Variants in RAB3GAP2 observed in about 807,000 individuals in gnomAD.
RAB3GAP2 encodes the protein RAB3 GTPase activating non-catalytic protein subunit 2, also known as rab3 GTPase-activating protein non-catalytic subunit.
A neutral mutation model predicts 185.3 loss-of-function variants in RAB3GAP2; 87 were observed. The ratio of observed to expected loss-of-function variants is 0.47; its 90% CI spans 0.39 to 0.56. The LOEUF is 0.56. RAB3GAP2 is among the 20% of genes least tolerant of loss of function. The probability of loss-of-function intolerance (pLI) is 0.00; values close to 1 mark genes in which losing one functional copy is unlikely to be tolerated. For synonymous variants in RAB3GAP2, 554 were observed against 576.1 expected (o/e 0.96, Z 0.55); for missense variants, 1,492 against 1,638.2 (o/e 0.91, Z 1.54).
At position 220,163,313 on chromosome 1, in the gene RAB3GAP2, T is replaced by C. The variant is rs1424380375; in HGVS notation, c.3155-1045A>G. 2.0e-5 allele frequency among the ~76,000 whole-genome samples: 3 copies of C among 152,004 alleles called. No individual in the cohort carries two copies. In the East Asian group the frequency reaches 5.8e-4, roughly 29 times the overall value. On this transcript the variant is annotated intron_variant, in intron 27 of 34. Transcript: ENST00000358951. ...CCTACTCGATGGGTAAAGGTACAAATATGTAAAGGCCTGACTTGAAGAAAT... is the reference window on the plus strand; with the variant it reads ...CCTACTCGATGGGTAAAGGTACAAACATGTAAAGGCCTGACTTGAAGAAAT...
chr1:220,214,070 AAAAAG>A, intron 2 of RAB3GAP2, 91 bp from the exon 3 acceptor site: 1 of 1,270,030 alleles, frequency 7.9e-7, no homozygotes, highest in South Asian at 1.3e-5. Context: ...AGGGAAGAAA[AAAAAG>A]AAAAGGAAAT....
At chr1:220,154,120 G>A in intron 31 of RAB3GAP2, 63 bp from the exon 32 acceptor site, 1 of 1,595,796 alleles carries the variant, frequency 6.3e-7, no homozygotes, top group Non-Finnish European at 8.5e-7. Context: ...GAGGGAGAAA[G>A]ATTTGTTTAA....
Position 220,150,588 on chromosome 1 carries a change from T to C in RAB3GAP2, c.*663A>G, listed in dbSNP as rs554333753. On this transcript the variant is annotated 3_prime_UTR_variant, in exon 35 of 35. Coordinates refer to ENST00000358951, the MANE Select transcript of RAB3GAP2 (RefSeq NM_012414.4). ...TAATTAATTTGCTGCATTTTACACA[T>C]CTCTGATTCTCAATTTTGGCAAGTA... The C allele has an allele frequency of 1.3e-5, 2 of 152,372 alleles. No individual in the cohort carries two copies. Among genetic ancestry groups the C allele is most frequent in the African/African-American group, 4.8e-5 (2 of 41,372 alleles). 9.4% of individuals were successfully genotyped at this position (152,372 alleles called of 1,614,324 possible).
rs1157161774 is a variant in RAB3GAP2, at chr1:220,184,313, A to G, written c.1871-150T>C. ...ATGCTTAAGCTATACCAGGTTTTGAAAGCAAAAATAATTTTTCTGTCATGA... is the reference window on the plus strand; with the variant it reads ...ATGCTTAAGCTATACCAGGTTTTGAGAGCAAAAATAATTTTTCTGTCATGA... On this transcript the variant is annotated intron_variant, in intron 18 of 34. Transcript: ENST00000358951. 3 of 577,508 alleles carry G rather than the reference A, an allele frequency of 5.2e-6. No individual in the cohort carries two copies. The East Asian group carries it at 1.0e-4, about 20-fold the overall frequency. The allele number at this position is 577,508 out of a possible 1,614,324, so 35.8% of individuals were successfully genotyped here. A position where few individuals can be genotyped will look rare whatever the true frequency, so the allele number is the denominator to read the frequency against.
rs938296148 is a variant in RAB3GAP2 at position 220,169,969 on chromosome 1, C to T, written c.2806+923G>A. ...ATTCTTCTATAAAGACACATGCACA[C>T]ATATGTTTACTGCAGCACTATTCAT... On this transcript the variant is annotated intron_variant, in intron 24 of 34. Transcript: ENST00000358951. Among the ~76,000 whole-genome samples, 10 of 152,274 alleles carry T rather than the reference C, an allele frequency of 6.6e-5. No homozygotes were observed. The East Asian group carries it at 1.9e-3, about 29-fold the overall frequency.
intron 26 of RAB3GAP2, among the ~76,000 whole-genome samples, chr1:220,166,560 C>A (rs1464888336): frequency 2.0e-5 from 3 of 152,216 alleles, no homozygotes; most frequent in Non-Finnish European, 4.4e-5. Context: ...GAGCCAGAAG[C>A]TTGTCAGCAA....
In RAB3GAP2 at chr1:220,162,182, C is replaced by T. The variant is rs1032499558; in HGVS notation, c.3225+16G>A. The T allele has an allele frequency of 1.1e-5, 16 of 1,515,042 alleles. No homozygotes were observed. In the African/African-American group the frequency reaches 1.5e-4, roughly 14 times the overall value. 93.8% of individuals were successfully genotyped at this position (1,515,042 alleles called of 1,614,324 possible). On this transcript the variant is annotated intron_variant, in intron 28 of 34. Coordinates refer to ENST00000358951, the MANE Select transcript of RAB3GAP2 (RefSeq NM_012414.4). The stretch of plus-strand genomic sequence containing the variant: ...GAATCAAATAAATAAGAAGTCAATA[C>T]ATGAAACTACCTTACCTTATCCATT...
intron 1 of RAB3GAP2, chr1:220,254,665 T>C (rs1660000957): frequency 2.5e-6 from 2 of 802,482 alleles, no homozygotes; most frequent in African/African-American, 1.8e-5. Flanking sequence ...GTTTTCTGTT[T>C]GATTTTAAAC....
chr1:220,267,098 T>C, intron 1 of RAB3GAP2: 4 of 1,560,104 alleles, frequency 2.6e-6, no homozygotes, highest in Middle Eastern at 1.7e-4. Flanking sequence ...CACCCAAAAT[T>C]TGCAATTTCA....
chr1:220,255,320 T>C (rs1417693303), intron 1 of RAB3GAP2, among the ~76,000 whole-genome samples: 1 of 151,850 alleles, frequency 6.6e-6, no homozygotes, highest in Non-Finnish European at 1.5e-5. Context: ...CCCCCAAAGA[T>C]GAGAAAGAAT....
Position 220,162,192 on chromosome 1 carries a change from C to A in RAB3GAP2, c.3225+6G>T. The A allele has an allele frequency of 6.5e-7, 1 of 1,544,840 alleles. No homozygotes were observed. Among genetic ancestry groups the A allele is most frequent in the South Asian group, 1.1e-5 (1 of 89,524 alleles). The stretch of plus-strand genomic sequence containing the variant: ...AATAAGAAGTCAATACATGAAACTA[C>A]CTTACCTTATCCATTAAGTATGTAG... On this transcript the variant is annotated splice_donor_region_variant and intron_variant, in intron 28 of 34. Transcript: ENST00000358951.
intron 21 of RAB3GAP2, among the ~76,000 whole-genome samples, chr1:220,175,497 G>A (rs541605330): frequency 3.3e-5 from 5 of 152,278 alleles, no homozygotes; most frequent in East Asian, 3.9e-4. Flanking sequence ...GATTACAGGC[G>A]TGAGCCACTG....
chr1:220,243,302 C>T (rs940156650), intron 1 of RAB3GAP2, among the ~76,000 whole-genome samples: 2 of 149,520 alleles, frequency 1.3e-5, no homozygotes, highest in Non-Finnish European at 3.0e-5. Flanking sequence ...TGCAGTAAGC[C>T]GAGATCGTGC....
intron 1 of RAB3GAP2, among the ~76,000 whole-genome samples, chr1:220,268,967 G>A (rs776843585): frequency 6.6e-6 from 1 of 152,162 alleles, no homozygotes; most frequent in Non-Finnish European, 1.5e-5. Flanking sequence ...CAGTTCCTCA[G>A]TTGCACTGGC....
intron 2 of RAB3GAP2, among the ~76,000 whole-genome samples, chr1:220,230,086 C>T (rs984511755): frequency 3.9e-5 from 6 of 152,182 alleles, no homozygotes; most frequent in Non-Finnish European, 7.3e-5. Context: ...TTCCTTCCCT[C>T]CCCTCCTCAT....
chr1:220,154,289 C>G, intron 31 of RAB3GAP2: 1 of 497,112 alleles, frequency 2.0e-6, no homozygotes, highest in Non-Finnish European at 3.4e-6. Flanking sequence ...GTCTCCTCTC[C>G]TTGCATGGAG....
chr1:220,198,521 G>A (rs1011817068), intron 9 of RAB3GAP2, among the ~76,000 whole-genome samples: 5 of 151,952 alleles, frequency 3.3e-5, no homozygotes, highest in South Asian at 2.1e-4. Flanking sequence ...TTTATCTTTC[G>A]AGTCACTGAT....
intron 8 of RAB3GAP2, among the ~76,000 whole-genome samples, chr1:220,204,710 A>T (rs911335828): frequency 2.7e-5 from 4 of 149,892 alleles, no homozygotes; most frequent in Non-Finnish European, 5.9e-5. Context: ...AGCATTAGGT[A>T]TATCTCCTAA....
rs945723322 is a variant in RAB3GAP2, at chr1:220,154,223, C to T, written c.3556-166G>A. On this transcript the variant is annotated intron_variant, in intron 31 of 34. Transcript: ENST00000358951. Reference sequence around the variant, plus strand: ...TAACAATTATCTAGTATATAGTAGACAGCCTTTAAGATGAAACCCAGTGAT... The same window carrying T: ...TAACAATTATCTAGTATATAGTAGATAGCCTTTAAGATGAAACCCAGTGAT... The T allele has an allele frequency of 1.2e-5, 12 of 1,022,624 alleles. No homozygotes were observed. In the South Asian group the frequency reaches 1.8e-4, roughly 15 times the overall value. The allele number at this position is 1,022,624 out of a possible 1,614,324, so 63.3% of individuals were successfully genotyped here. A position where few individuals can be genotyped will look rare whatever the true frequency, so the allele number is the denominator to read the frequency against.
Sources: allele counts gnomAD v4.1 joint callset (sites outside exome capture counted in the v4.1 genomes callset), GRCh38; gene constraint gnomAD v4.1.1; transcripts MANE v1.5; gene names NCBI Gene and HGNC (gene_info 2026-07-23, HGNC 2026-07-21).